Variants in ANKRD9 observed in about 807,000 individuals in gnomAD.
The protein encoded by ANKRD9 is ankyrin repeat domain-containing protein 9.
ANKRD9 carries 13 observed loss-of-function variants against 19.2 expected under a neutral mutation model. The observed-to-expected ratio is 0.68, with a 90% CI of 0.44 to 1.08. The LOEUF is 1.08. Ranked by LOEUF, ANKRD9 falls within the 50% of genes least tolerant of loss-of-function variation. The probability of loss-of-function intolerance (pLI) is 0.00; values close to 1 mark genes in which losing one functional copy is unlikely to be tolerated. For synonymous variants in ANKRD9, 278 were observed against 256.8 expected (o/e 1.08, Z -0.79); for missense variants, 518 against 499.9 (o/e 1.04, Z -0.34).
Position 102,506,975 on chromosome 14 carries a change from G to C in ANKRD9, c.915C>G (p.Pro305=), listed in dbSNP as rs981517339. 6.4e-7 allele frequency: 1 copy of C among 1,566,570 alleles called. No homozygotes were observed. The highest frequency in any genetic ancestry group is 2.4e-5 in the East Asian group (1 of 41,656). Residue 305 remains proline, a synonymous_variant, in exon 4 of 4, where the codon CCC becomes CCG. Coordinates refer to ENST00000286918, the MANE Select transcript of ANKRD9 (RefSeq NM_152326.4). ...TGAGGTCCAACGGCTGCAGGAATGGGGGCAGCGGCAGCTCGTCCAGGGCCT... is the reference window on the plus strand; with the variant it reads ...TGAGGTCCAACGGCTGCAGGAATGGCGGCAGCGGCAGCTCGTCCAGGGCCT... ...FPEALDELPL[P]PFLQPLDLTG... is the part of the protein sequence containing the mutation.
At position 102,506,240 on chromosome 14, in the gene ANKRD9, G is replaced by T. The variant is rs985871320; in HGVS notation, c.*696C>A. 1 of 152,278 alleles carries T rather than the reference G, an allele frequency of 6.6e-6. No homozygotes were observed. Among genetic ancestry groups the T allele is most frequent in the African/African-American group, 2.4e-5 (1 of 41,460 alleles). 9.4% of individuals were successfully genotyped at this position (152,278 alleles called of 1,614,324 possible). A position where few individuals can be genotyped will look rare whatever the true frequency, so the allele number is the denominator to read the frequency against. ...CAACCCCACTGACCGGCATGCACCT[G>T]GGGCCAGGGGCCTGCTGCCACTGCA... On this transcript the variant is annotated 3_prime_UTR_variant, in exon 4 of 4. Coordinates refer to ENST00000286918, the MANE Select transcript of ANKRD9 (RefSeq NM_152326.4).
intron 1 of ANKRD9, 98 bp downstream of exon 1, chr14:102,509,431 G>T (rs1265200190): frequency 1.4e-5 from 2 of 147,724 alleles, no homozygotes; most frequent in Non-Finnish European, 3.0e-5. Context: ...GCGTCCGCGC[G>T]CAGGTGGCCG....
At position 102,507,676 on chromosome 14, in the gene ANKRD9, G is replaced by T; in HGVS notation, c.214C>A (p.Pro72Thr). Residue 72 changes from proline to threonine, a missense_variant, in exon 4 of 4, where the codon CCC becomes ACC. Pro to Thr is a conservative substitution (Grantham distance 38, BLOSUM62 -1). Transcript: ENST00000286918. The surrounding 1 kb of genome is among the most constrained non-coding windows in gnomAD (Gnocchi z 9.2). ...DERGRAAAYS[P>T]SEALLYALVH... ...AGCGCGTAGAGCAGCGCCTCAGAGG[G>T]CGAGTAGGCGGCGGCGCGCCCGCGC... 1 of 1,556,748 alleles carries T rather than the reference G, an allele frequency of 6.4e-7. No homozygotes were observed.
intron 1 of ANKRD9, 54 bp downstream of exon 1, chr14:102,509,475 C>G (rs1228617689): frequency 6.8e-6 from 1 of 146,124 alleles, no homozygotes; most frequent in Non-Finnish European, 1.5e-5. Flanking sequence ...TGCGCGTGTG[C>G]CGGAGGAGGA....
chr14:102,502,478 T>C lies in ANKRD9; in HGVS notation c.*4458A>G, dbSNP rs577733050. 1.8e-4 allele frequency: 28 copies of C among 152,720 alleles called. 1 individual carries two copies. The highest frequency in any genetic ancestry group is 6.7e-4 in the African/African-American group (28 of 41,560). 9.5% of individuals were successfully genotyped at this position (152,720 alleles called of 1,614,324 possible). A position where few individuals can be genotyped will look rare whatever the true frequency, so the allele number is the denominator to read the frequency against. ...ATAAAGCAGATTTACATTTTAAAAA[T>C]TCAGTTGTCTCTAACTACTCTTTGT... On this transcript the variant is annotated 3_prime_UTR_variant, in exon 4 of 4. Coordinates refer to ENST00000286918, the MANE Select transcript of ANKRD9 (RefSeq NM_152326.4).
Position 102,501,799 on chromosome 14 carries a change from G to T in ANKRD9, c.*5137C>A, listed in dbSNP as rs776103748. 4 of 152,152 alleles carry T rather than the reference G, an allele frequency of 2.6e-5. No individual in the cohort carries two copies. Among genetic ancestry groups the T allele is most frequent in the African/African-American group, 9.7e-5 (4 of 41,434 alleles). The allele number at this position is 152,152 out of a possible 1,614,324, so 9.4% of individuals were successfully genotyped here. A position where few individuals can be genotyped will look rare whatever the true frequency, so the allele number is the denominator to read the frequency against. On this transcript the variant is annotated 3_prime_UTR_variant, in exon 4 of 4. Transcript: ENST00000286918. ...AAATATATTTATTAAAAACCAATAG[G>T]AGGAGCACTTCGAGTCGAGTGTAAG...
Position 102,508,053 on chromosome 14 carries a change from C to A in ANKRD9, c.-53-111G>T, listed in dbSNP as rs188884716. 17 of 742,348 alleles carry A rather than the reference C, an allele frequency of 2.3e-5. No individual in the cohort carries two copies. Among genetic ancestry groups the A allele is most frequent in the Non-Finnish European group, 1.4e-5 (8 of 590,258 alleles). The allele number at this position is 742,348 out of a possible 1,614,324, so 46.0% of individuals were successfully genotyped here. On this transcript the variant is annotated intron_variant, in intron 3 of 3. Transcript: ENST00000286918. This position sits in a 1 kb window ranked among gnomAD's most constrained non-coding sequence, Gnocchi z 6.2. ...CGGTCCTGGCCCACCAGGCCTGTAC[C>A]TACCTCCAGCCTCGGCCAGGCCCTT...
Position 102,507,103 on chromosome 14 carries a change from CCAG to C in ANKRD9, c.784_786del (p.Leu262del). The C allele has an allele frequency of 6.6e-7, 1 of 1,525,702 alleles. No individual in the cohort carries two copies. The highest frequency in any genetic ancestry group is 8.7e-7 in the Non-Finnish European group (1 of 1,145,262). 94.5% of individuals were successfully genotyped at this position (1,525,702 alleles called of 1,614,324 possible). On this transcript the variant is annotated inframe_deletion, in exon 4 of 4. Transcript: ENST00000286918. The surrounding 1 kb of genome is among the most constrained non-coding windows in gnomAD (Gnocchi z 9.2). The stretch of plus-strand genomic sequence containing the variant: ...GCCAGCCACTGGAACTTGTCCTCAC[CCAG>C]CAGCCGCTGCCAGCGCGGCCGGTCG...
rs1891729714 is a variant in ANKRD9 at position 102,509,596 on chromosome 14, C to T, written c.-402G>A. 1 of 146,284 alleles carries T rather than the reference C, an allele frequency of 6.8e-6. No homozygotes were observed. The highest frequency in any genetic ancestry group is 1.5e-5 in the Non-Finnish European group (1 of 65,742). 9.1% of individuals were successfully genotyped at this position (146,284 alleles called of 1,614,324 possible). A position where few individuals can be genotyped will look rare whatever the true frequency, so the allele number is the denominator to read the frequency against. On this transcript the variant is annotated 5_prime_UTR_variant, in exon 1 of 4. Coordinates refer to ENST00000286918, the MANE Select transcript of ANKRD9 (RefSeq NM_152326.4). ...GCCGCGGACCGGAGCGCGCGCTGTC[C>T]CCCGCGGGCGAGCGGGCAAAGGTCC...
chr14:102,507,242 G>T lies in ANKRD9; in HGVS notation c.648C>A (p.Ala216=). 3.2e-6 allele frequency: 4 copies of T among 1,236,228 alleles called. No homozygotes were observed. Among genetic ancestry groups the T allele is most frequent in the Non-Finnish European group, 4.0e-6 (4 of 989,206 alleles). The allele number at this position is 1,236,228 out of a possible 1,614,324, so 76.6% of individuals were successfully genotyped here. A position where few individuals can be genotyped will look rare whatever the true frequency, so the allele number is the denominator to read the frequency against. ...GCGGCTCCCCGGGAGCTGAGGCGGGGGCTCCGGCGGCGGAGGGAGTGGCCC... is the reference window on the plus strand; with the variant it reads ...GCGGCTCCCCGGGAGCTGAGGCGGGTGCTCCGGCGGCGGAGGGAGTGGCCC... The part of the protein sequence containing the change: ...DAGATPSAAG[A]PASAPGEPRQ... Residue 216 remains alanine (A), a synonymous_variant, in exon 4 of 4, where the codon GCC becomes GCA. Coordinates refer to ENST00000286918, the MANE Select transcript of ANKRD9 (RefSeq NM_152326.4). The surrounding 1 kb of genome is among the most constrained non-coding windows in gnomAD (Gnocchi z 9.2).
chr14:102,502,131 G>A lies in ANKRD9; in HGVS notation c.*4805C>T, dbSNP rs1891453112. ...TGCAGCTATTAAGAAGCACGTGTGT[G>A]CAGGAAGCGGAGGCGCAGGACCTCA... On this transcript the variant is annotated 3_prime_UTR_variant, in exon 4 of 4. Coordinates refer to ENST00000286918, the MANE Select transcript of ANKRD9 (RefSeq NM_152326.4). The A allele has an allele frequency of 6.6e-6, 1 of 152,262 alleles. No individual in the cohort carries two copies. The highest frequency in any genetic ancestry group is 2.4e-5 in the African/African-American group (1 of 41,470). The allele number at this position is 152,262 out of a possible 1,614,324, so 9.4% of individuals were successfully genotyped here. A position where few individuals can be genotyped will look rare whatever the true frequency, so the allele number is the denominator to read the frequency against.
chr14:102,505,529 C>T lies in ANKRD9; in HGVS notation c.*1407G>A, dbSNP rs1891563632. 2 of 152,316 alleles carry T rather than the reference C, an allele frequency of 1.3e-5. No individual in the cohort carries two copies. Among genetic ancestry groups the T allele is most frequent in the South Asian group, 4.2e-4 (2 of 4,816 alleles). 9.4% of individuals were successfully genotyped at this position (152,316 alleles called of 1,614,324 possible). A position where few individuals can be genotyped will look rare whatever the true frequency, so the allele number is the denominator to read the frequency against. On this transcript the variant is annotated 3_prime_UTR_variant, in exon 4 of 4. Transcript: ENST00000286918. ...CAGGGCTGTAGGCCCACCTAACACA[C>T]CACACACTTCCCAGAAACAGGAGTC...
At position 102,503,255 on chromosome 14, in the gene ANKRD9, A is replaced by T. The variant is rs1891493041; in HGVS notation, c.*3681T>A. ...CATAAATAAATAAATTACTTTTAAG[A>T]ATCACCAATAGAAATCTGTCTTTCC... On this transcript the variant is annotated 3_prime_UTR_variant, in exon 4 of 4. Transcript: ENST00000286918. 1 of 151,550 alleles carries T rather than the reference A, an allele frequency of 6.6e-6. No individual in the cohort carries two copies. The highest frequency in any genetic ancestry group is 2.1e-4 in the South Asian group (1 of 4,806). The allele number at this position is 151,550 out of a possible 1,614,324, so 9.4% of individuals were successfully genotyped here.
Position 102,508,558 on chromosome 14 carries a change from A to G in ANKRD9, c.-128-9T>C, listed in dbSNP as rs1891686493. The G allele has an allele frequency of 6.6e-6, 1 of 152,156 alleles. No individual in the cohort carries two copies. The highest frequency in any genetic ancestry group is 2.1e-4 in the South Asian group (1 of 4,822). 9.4% of individuals were successfully genotyped at this position (152,156 alleles called of 1,614,324 possible). On this transcript the variant is annotated splice_polypyrimidine_tract_variant and intron_variant, in intron 2 of 3. Coordinates refer to ENST00000286918, the MANE Select transcript of ANKRD9 (RefSeq NM_152326.4). This position sits in a 1 kb window ranked among gnomAD's most constrained non-coding sequence, Gnocchi z 6.2. Reference sequence around the variant, plus strand: ...CCGAGCCTCAGCTTTATCTGTAAGAAAGGGGAGGGGTGGACGACGGCTGTG... The same window carrying G: ...CCGAGCCTCAGCTTTATCTGTAAGAGAGGGGAGGGGTGGACGACGGCTGTG...
In ANKRD9 at chr14:102,507,710, G is replaced by T; in HGVS notation, c.180C>A (p.His60Gln). ...CGGCGGCGCGCCCGCGCTCGTCCCA[G>T]TGGAAGGCCTCGCTGGCGCGCATAT... ...LEDMRASEAF[H>Q]WDERGRAAAY... Residue 60 changes from histidine (H) to glutamine (Q), a missense_variant, in exon 4 of 4, where the codon CAC becomes CAA. Physicochemically the swap from His to Gln is conservative, Grantham distance 24 (BLOSUM62 0). Coordinates refer to ENST00000286918, the MANE Select transcript of ANKRD9 (RefSeq NM_152326.4). This position sits in a 1 kb window ranked among gnomAD's most constrained non-coding sequence, Gnocchi z 9.2. The T allele has an allele frequency of 6.5e-7, 1 of 1,536,128 alleles. No homozygotes were observed. Among genetic ancestry groups the T allele is most frequent in the Non-Finnish European group, 8.7e-7 (1 of 1,146,488 alleles).
chr14:102,502,971 T>C lies in ANKRD9; in HGVS notation c.*3965A>G, dbSNP rs909609461. On this transcript the variant is annotated 3_prime_UTR_variant, in exon 4 of 4. Coordinates refer to ENST00000286918, the MANE Select transcript of ANKRD9 (RefSeq NM_152326.4). ...GGCTCACACTTGTAACCCCAGCACT[T>C]TGGGAGGCTGAGGCGGGCGGATCAC... 6.6e-6 allele frequency: 1 copy of C among 152,094 alleles called. No homozygotes were observed. Among genetic ancestry groups the C allele is most frequent in the Non-Finnish European group, 1.5e-5 (1 of 68,020 alleles). The allele number at this position is 152,094 out of a possible 1,614,324, so 9.4% of individuals were successfully genotyped here. A position where few individuals can be genotyped will look rare whatever the true frequency, so the allele number is the denominator to read the frequency against.
chr14:102,506,650 C>G lies in ANKRD9; in HGVS notation c.*286G>C. 1 of 356,104 alleles carries G rather than the reference C, an allele frequency of 2.8e-6. No individual in the cohort carries two copies. Among genetic ancestry groups the G allele is most frequent in the East Asian group, 4.3e-5 (1 of 23,008 alleles). 22.1% of individuals were successfully genotyped at this position (356,104 alleles called of 1,614,324 possible). ...GCACCTACCGAGCTCCTGCGGCACT[C>G]AGCTGTCACCCATCTGGGACGCACA... On this transcript the variant is annotated 3_prime_UTR_variant, in exon 4 of 4. Transcript: ENST00000286918.
rs529811558 is a variant in ANKRD9, at chr14:102,504,795, T to A, written c.*2141A>T. 6.6e-6 allele frequency: 1 copy of A among 152,590 alleles called. No individual in the cohort carries two copies. Among genetic ancestry groups the A allele is most frequent in the African/African-American group, 2.4e-5 (1 of 41,580 alleles). 9.5% of individuals were successfully genotyped at this position (152,590 alleles called of 1,614,324 possible). A position where few individuals can be genotyped will look rare whatever the true frequency, so the allele number is the denominator to read the frequency against. ...GACATCAGGAGCTAATGGCCCAGGC[T>A]GCCCTCCTGCTGCAGTGCCCATAAT... On this transcript the variant is annotated 3_prime_UTR_variant, in exon 4 of 4. Coordinates refer to ENST00000286918, the MANE Select transcript of ANKRD9 (RefSeq NM_152326.4).
Position 102,502,468 on chromosome 14 carries a change from A to G in ANKRD9, c.*4468T>C, listed in dbSNP as rs1891466878. 6.6e-6 allele frequency: 1 copy of G among 152,662 alleles called. No individual in the cohort carries two copies. Among genetic ancestry groups the G allele is most frequent in the Non-Finnish European group, 1.5e-5 (1 of 68,052 alleles). 9.5% of individuals were successfully genotyped at this position (152,662 alleles called of 1,614,324 possible). On this transcript the variant is annotated 3_prime_UTR_variant, in exon 4 of 4. Coordinates refer to ENST00000286918, the MANE Select transcript of ANKRD9 (RefSeq NM_152326.4). ...TATTCCAAAAATAAAGCAGATTTAC[A>G]TTTTAAAAATTCAGTTGTCTCTAAC...
Sources: allele counts gnomAD v4.1 joint callset, GRCh38; gene constraint gnomAD v4.1.1; non-coding constraint Gnocchi (gnomAD v3.1); transcripts MANE v1.5; gene names NCBI Gene and HGNC (gene_info 2026-07-23, HGNC 2026-07-21).